The following EGFR variants were observed in gnomAD, a reference collection of about 807,000 sequenced individuals.
EGFR encodes epidermal growth factor receptor, also known as avian erythroblastic leukemia viral (v-erb-b) oncogene homolog.
A neutral mutation model predicts 143.0 loss-of-function variants in EGFR; 58 were observed. The observed-to-expected ratio is 0.41, with a 90% CI of 0.33 to 0.50. The LOEUF (loss-of-function observed/expected upper bound fraction) is 0.50. Ranked by LOEUF, EGFR falls within the 20% of genes least tolerant of loss-of-function variation. The pLI, the probability that EGFR is intolerant of heterozygous loss-of-function variation, is 0.39. For missense variants in EGFR, 1,307 were observed against 1,579.0 expected (o/e 0.83, Z 2.92); for synonymous variants, 613 against 594.4 (o/e 1.03, Z -0.45).
chr7:55,183,743 G>T (rs1404033408), intron 20 of EGFR, among the ~76,000 whole-genome samples: 1 of 152,210 alleles, frequency 6.6e-6, no homozygotes, highest in African/African-American at 2.4e-5. Context: ...AGAATATCTG[G>T]TTGGTTTATG....
chr7:55,109,839 A>T (rs954107494), intron 1 of EGFR: 2 of 985,378 alleles, frequency 2.0e-6, no homozygotes, highest in African/African-American at 3.5e-5. Flanking sequence ...GCTCTAAAAC[A>T]GTTCTCCACT....
At chr7:55,077,758 G>C (rs889882206) in intron 1 of EGFR, among the ~76,000 whole-genome samples, 1 of 151,978 alleles carries the variant, frequency 6.6e-6, no homozygotes, top group African/African-American at 2.4e-5. Context: ...GAAACTCTTT[G>C]GTGCTTGGGG....
At chr7:55,126,551 A>G (rs1310033542) in intron 1 of EGFR, among the ~76,000 whole-genome samples, 1 of 152,188 alleles carries the variant, frequency 6.6e-6, no homozygotes, top group Non-Finnish European at 1.5e-5. Context: ...GCCAGGACCC[A>G]TGCATTCAAA....
chr7:55,086,532 A>G (rs1372222657), intron 1 of EGFR, among the ~76,000 whole-genome samples: 1 of 152,182 alleles, frequency 6.6e-6, no homozygotes, highest in African/African-American at 2.4e-5. Flanking sequence ...TTTTTCTTCT[A>G]TGCTTTCATC....
intron 22 of EGFR, among the ~76,000 whole-genome samples, chr7:55,196,430 C>G (rs1469153354): frequency 6.6e-6 from 1 of 152,000 alleles, no homozygotes; most frequent in Non-Finnish European, 1.5e-5. Flanking sequence ...AGACCCTTCT[C>G]AGATTTGTAG....
At chr7:55,025,657 A>G (rs1562648252) in intron 1 of EGFR, among the ~76,000 whole-genome samples, 1 of 152,198 alleles carries the variant, frequency 6.6e-6, no homozygotes, top group Non-Finnish European at 1.5e-5. Context: ...TTTCCGTGTC[A>G]GTTACTTGTC....
At chr7:55,138,135 T>C (rs1011484034) in intron 1 of EGFR, among the ~76,000 whole-genome samples, 5 of 152,212 alleles carry the variant, frequency 3.3e-5, no homozygotes, top group African/African-American at 9.7e-5. Flanking sequence ...AAGGTGAATG[T>C]AGTAAAATGC....
chr7:55,150,556 A>T (rs958517280), intron 4 of EGFR, among the ~76,000 whole-genome samples: 1 of 152,210 alleles, frequency 6.6e-6, no homozygotes, highest in Non-Finnish European at 1.5e-5. Context: ...AGTAAAAGAT[A>T]TCTGCATGAC....
chr7:55,050,055 T>C (rs1215023660), intron 1 of EGFR, among the ~76,000 whole-genome samples: 2 of 152,188 alleles, frequency 1.3e-5, no homozygotes, highest in Non-Finnish European at 2.9e-5. Flanking sequence ...TTCCTCTCTC[T>C]TTTTGAAAAT....
chr7:55,135,317 T>C (rs540444837), intron 1 of EGFR, among the ~76,000 whole-genome samples: 2 of 151,862 alleles, frequency 1.3e-5, no homozygotes, highest in East Asian at 3.9e-4. Flanking sequence ...GCAGCTGTGC[T>C]GGGCATGCCG....
intron 13 of EGFR, among the ~76,000 whole-genome samples, chr7:55,162,491 T>G (rs144702256): frequency 6.6e-6 from 1 of 152,396 alleles, no homozygotes; most frequent in African/African-American, 2.4e-5. Flanking sequence ...TTGATAGTGC[T>G]GCTTCAACTT....
chr7:55,058,975 G>A (rs1789001196), intron 1 of EGFR, among the ~76,000 whole-genome samples: 1 of 152,228 alleles, frequency 6.6e-6, no homozygotes, highest in Non-Finnish European at 1.5e-5. Context: ...AGATGGTAAG[G>A]CTGAAATAAA....
intron 22 of EGFR, 125 bp from the exon 23 acceptor site, chr7:55,198,592 C>T: frequency 6.8e-7 from 1 of 1,481,276 alleles, no homozygotes; most frequent in South Asian, 1.2e-5. Flanking sequence ...GCAAATTGCC[C>T]AAGACTACAG....
Position 55,019,311 on chromosome 7 carries a change from CT to C in EGFR, c.35del (p.Leu12ArgfsTer68). The C allele has an allele frequency of 6.6e-7, 1 of 1,521,026 alleles. No homozygotes were observed. The highest frequency in any genetic ancestry group is 2.7e-5 in the East Asian group (1 of 36,398). The allele number at this position is 1,521,026 out of a possible 1,614,324, so 94.2% of individuals were successfully genotyped here. Reference sequence around the variant, plus strand: ...CTCCGGGACGGCCGGGGCAGCGCTCCTGGCGCTGCTGGCTGCGCTCTGCCCG... The same window carrying C: ...CTCCGGGACGGCCGGGGCAGCGCTCCGGCGCTGCTGGCTGCGCTCTGCCCG... ...RPSGTAGAAL[L>X]ALLAALCPAS... On this transcript the variant is annotated frameshift_variant, in exon 1 of 28. Coordinates refer to ENST00000275493, the MANE Select transcript of EGFR (RefSeq NM_005228.5). LOFTEE classifies it high-confidence loss of function.
At chr7:55,072,438 G>T (rs1375117594) in intron 1 of EGFR, among the ~76,000 whole-genome samples, 1 of 152,208 alleles carries the variant, frequency 6.6e-6, no homozygotes, top group Non-Finnish European at 1.5e-5. Context: ...GCATTTTCTG[G>T]TGGGCACCAT....
At chr7:55,159,655 C>A (rs1785600359) in intron 11 of EGFR, among the ~76,000 whole-genome samples, 1 of 152,164 alleles carries the variant, frequency 6.6e-6, no homozygotes, top group South Asian at 2.1e-4. Flanking sequence ...GGTTGTGTCA[C>A]CACCAGATCA....
intron 22 of EGFR, among the ~76,000 whole-genome samples, chr7:55,195,256 C>G (rs1039472672): frequency 6.6e-6 from 1 of 152,298 alleles, no homozygotes; most frequent in South Asian, 2.1e-4. Flanking sequence ...CAAACCATTG[C>G]TTTCCTTCCA....
At chr7:55,020,476 C>T (rs1469553533) in intron 1 of EGFR, among the ~76,000 whole-genome samples, 8 of 152,148 alleles carry the variant, frequency 5.3e-5, no homozygotes. Flanking sequence ...CAAACTTCTC[C>T]TCAAAACCCG....
At position 55,079,414 on chromosome 7, in the gene EGFR, A is replaced by C. The variant is rs142803325; in HGVS notation, c.88+60049A>C. On this transcript the variant is annotated intron_variant, in intron 1 of 27. Coordinates refer to ENST00000275493, the MANE Select transcript of EGFR (RefSeq NM_005228.5). The stretch of plus-strand genomic sequence containing the variant: ...AGGTGTGGTGAGAAGCACTTACAAA[A>C]AGAAATGGACTGTGTTAGGATTGCA... Among the ~76,000 whole-genome samples, 1,168 of 152,330 alleles carry C rather than the reference A, an allele frequency of 7.7e-3. 13 individuals carry two copies. The highest frequency in any genetic ancestry group is 0.026 in the African/African-American group (1,098 of 41,566).
Sources: gnomAD v4.1 joint callset for allele counts (sites outside exome capture counted in the v4.1 genomes callset) on GRCh38, gnomAD v4.1.1 for gene constraint, MANE v1.5 for transcripts, NCBI Gene and HGNC (gene_info 2026-07-23, HGNC 2026-07-21) for gene names.